Variants in CYP2U1 observed in about 807,000 individuals in gnomAD.
The protein encoded by CYP2U1 is cytochrome P450 family 2 subfamily U member 1.
A neutral mutation model predicts 42.8 loss-of-function variants in CYP2U1; 28 were observed. That is an observed-to-expected ratio of 0.65 (90% CI 0.48 to 0.90). The LOEUF (loss-of-function observed/expected upper bound fraction) is 0.90, where lower values mean the gene tolerates loss of function less well. Ranked by LOEUF, CYP2U1 falls within the 40% of genes least tolerant of loss-of-function variation. The pLI is 0.00. For missense variants in CYP2U1, 642 were observed against 693.8 expected, an observed-to-expected ratio of 0.93 and a Z score of 0.84; for synonymous variants, 296 against 278.9, an observed-to-expected ratio of 1.06 and a Z score of -0.61.
intron 1 of CYP2U1, chr4:107,936,109 A>G (rs1733252485): frequency 6.6e-6 from 1 of 152,176 alleles, no homozygotes; most frequent in Admixed American, 6.5e-5. Context: ...CTTCTTCTTA[A>G]GCCCATAAAA....
rs765750680 is a variant in CYP2U1 at position 107,947,431 on chromosome 4, C to T, written c.1182C>T (p.Leu394=). 11 of 1,614,150 alleles carry T rather than the reference C, an allele frequency of 6.8e-6. No individual in the cohort carries two copies. The South Asian group carries it at 1.1e-4, about 16-fold the overall frequency. Residue 394 remains leucine, a synonymous_variant, in exon 3 of 5, where the codon CTC becomes CTT. Transcript: ENST00000332884. ...TTGGCGCCAACCGAGCTCCTTCCCT[C>T]ACAGACAAGGCCCAGATGCCCTACA... ...RVIGANRAPS[L]TDKAQMPYTE...
At chr4:107,940,673 G>A (rs543700267) in intron 1 of CYP2U1, 25 of 151,918 alleles carry the variant, frequency 1.6e-4, no homozygotes, top group Admixed American at 1.1e-3. Flanking sequence ...GTACAAAGGC[G>A]GCAGGATGGA....
intron 1 of CYP2U1, chr4:107,938,757 A>T (rs549419937): frequency 8.1e-4 from 123 of 152,358 alleles, no homozygotes; most frequent in African/African-American, 2.9e-3. Context: ...TATTTCTAAA[A>T]TACAAATTTG....
intron 1 of CYP2U1, among the ~76,000 whole-genome samples, chr4:107,936,849 T>C (rs1318915790): frequency 6.6e-6 from 1 of 152,240 alleles, no homozygotes; most frequent in Non-Finnish European, 1.5e-5. Flanking sequence ...TATCTTTCTC[T>C]AACTAGCTTT....
chr4:107,932,544 A>G (rs939460339), intron 1 of CYP2U1, among the ~76,000 whole-genome samples: 1 of 152,190 alleles, frequency 6.6e-6, no homozygotes, highest in Non-Finnish European at 1.5e-5. Flanking sequence ...TGGGTTTCGA[A>G]TGTAAGAATT....
intron 1 of CYP2U1, among the ~76,000 whole-genome samples, chr4:107,933,500 A>G (rs1367161579): frequency 6.6e-6 from 1 of 152,196 alleles, no homozygotes; most frequent in Non-Finnish European, 1.5e-5. Context: ...CATTTAAAGT[A>G]TTATGATCTT....
intron 1 of CYP2U1, chr4:107,936,087 A>G (rs541736542): frequency 2.0e-5 from 3 of 152,310 alleles, no homozygotes; most frequent in Middle Eastern, 6.8e-3. Context: ...TTTCATGATT[A>G]GACAAGGTGG....
rs770180255 is a variant in CYP2U1, at chr4:107,949,384, G to A, written c.1323G>A (p.Leu441=). The A allele has an allele frequency of 8.2e-6, 13 of 1,590,962 alleles. No homozygotes were observed. The highest frequency in any genetic ancestry group is 1.0e-5 in the Non-Finnish European group (12 of 1,168,822). ...GGTATACCATTCCTAAAGGCACATT[G>A]ATCTTACCCAACCTGTGGTCAGTAC... is the stretch of plus-strand genomic sequence containing the variant. The part of the protein sequence containing the change: ...LQGYTIPKGT[L]ILPNLWSVHR... The change falls in exon 4 of 5, where the codon TTG becomes TTA. Residue 441 remains leucine, a synonymous_variant. Coordinates refer to ENST00000332884, the MANE Select transcript of CYP2U1 (RefSeq NM_183075.3).
At position 107,952,976 on chromosome 4, in the gene CYP2U1, C is replaced by G. The variant is rs1366573145; in HGVS notation, c.*2553C>G. 6.6e-6 allele frequency: 1 copy of G among 152,116 alleles called. No individual in the cohort carries two copies. The highest frequency in any genetic ancestry group is 2.4e-5 in the African/African-American group (1 of 41,432). 9.4% of individuals were successfully genotyped at this position (152,116 alleles called of 1,614,324 possible). On this transcript the variant is annotated 3_prime_UTR_variant, in exon 5 of 5. Coordinates refer to ENST00000332884, the MANE Select transcript of CYP2U1 (RefSeq NM_183075.3). ...AGCTAATAGCCTAACTGCAGAGGAA[C>G]TGAGTGGATGGGGTAGCTGCTGTAT...
intron 1 of CYP2U1, among the ~76,000 whole-genome samples, chr4:107,943,497 TAATTCAGGA>T (rs1733570736): frequency 6.6e-6 from 1 of 152,176 alleles, no homozygotes; most frequent in Non-Finnish European, 1.5e-5. Flanking sequence ...GGAAGAAATA[TAATTCAGGA>T]AATGGGTTCT....
intron 1 of CYP2U1, chr4:107,940,429 A>G (rs1733448401): frequency 6.6e-6 from 1 of 152,094 alleles, no homozygotes; most frequent in Non-Finnish European, 1.5e-5. Context: ...AACGTATGTA[A>G]ACAAATTAGT....
intron 4 of CYP2U1, 100 bp downstream of exon 4, chr4:107,949,617 A>G: frequency 9.4e-7 from 1 of 1,063,036 alleles, no homozygotes; most frequent in Non-Finnish European, 1.3e-6. Context: ...CTTTCTTGGC[A>G]AGCTAATATA....
chr4:107,938,259 A>G (rs1349015750), intron 1 of CYP2U1: 1 of 152,226 alleles, frequency 6.6e-6, no homozygotes, highest in Non-Finnish European at 1.5e-5. Context: ...TAGGCCAGGC[A>G]CAGAACTCAA....
At chr4:107,939,819 T>G (rs988152668) in intron 1 of CYP2U1, among the ~76,000 whole-genome samples, 10 of 152,068 alleles carry the variant, frequency 6.6e-5, no homozygotes, top group African/African-American at 7.2e-5. Flanking sequence ...AGGTAGATGA[T>G]CTAGAGAGCC....
At chr4:107,946,651 T>C (rs998316961) in intron 2 of CYP2U1, among the ~76,000 whole-genome samples, 44 of 152,092 alleles carry the variant, frequency 2.9e-4, no homozygotes, top group African/African-American at 1.1e-3. Flanking sequence ...CCAGGCATTA[T>C]CTCCCAGTTT....
chr4:107,933,011 G>A (rs1266017771), intron 1 of CYP2U1, among the ~76,000 whole-genome samples: 1 of 152,200 alleles, frequency 6.6e-6, no homozygotes, highest in East Asian at 1.9e-4. Context: ...AGTCATTGCT[G>A]TCTGAAACAT....
At chr4:107,935,053 C>A (rs1425329106) in intron 1 of CYP2U1, among the ~76,000 whole-genome samples, 3 of 152,212 alleles carry the variant, frequency 2.0e-5, no homozygotes, top group African/African-American at 7.2e-5. Flanking sequence ...TGAATGAATT[C>A]GTGCATACAA....
At position 107,931,787 on chromosome 4, in the gene CYP2U1, G is replaced by C. The variant is rs937661813; in HGVS notation, c.144G>C (p.Trp48Cys). 10 of 1,509,516 alleles carry C rather than the reference G, an allele frequency of 6.6e-6. No individual in the cohort carries two copies. Among genetic ancestry groups the C allele is most frequent in the East Asian group, 5.0e-5 (2 of 40,164 alleles). 93.5% of individuals were successfully genotyped at this position (1,509,516 alleles called of 1,614,324 possible). Residue 48 changes from tryptophan (W) to cysteine (C), a missense_variant, in exon 1 of 5, where the codon TGG (tryptophan) becomes TGC (cysteine). Coordinates refer to ENST00000332884, the MANE Select transcript of CYP2U1 (RefSeq NM_183075.3). The part of the protein sequence containing the change: ...LLCGLVALLG[W>C]SWLRRRRARG... ...GCGGCCTCGTAGCGCTGCTGGGCTG[G>C]AGCTGGCTGCGGAGGCGCCGGGCGC...
intron 1 of CYP2U1, among the ~76,000 whole-genome samples, chr4:107,939,909 G>A (rs1197780435): frequency 2.0e-5 from 3 of 152,036 alleles, no homozygotes; most frequent in Admixed American, 6.6e-5. Context: ...CAGAACTCTT[G>A]AAGTGCTTCA....
Sources: gnomAD v4.1 joint callset for allele counts (sites outside exome capture counted in the v4.1 genomes callset) on GRCh38, gnomAD v4.1.1 for gene constraint, MANE v1.5 for transcripts, NCBI Gene and HGNC (gene_info 2026-07-23, HGNC 2026-07-21) for gene names.